Variants in CACHD1 observed in about 807,000 individuals in gnomAD.
The protein encoded by CACHD1 is VWFA and cache domain-containing protein 1.
CACHD1 carries 71 observed loss-of-function variants against 138.7 expected under a neutral mutation model. That is an observed-to-expected ratio of 0.51 (90% confidence interval 0.42 to 0.62). CACHD1 has a LOEUF of 0.62. CACHD1 is among the 20% of genes least tolerant of loss of function. The pLI is 0.00. For synonymous variants in CACHD1, 578 were observed against 591.5 expected, an observed-to-expected ratio of 0.98 and a Z score of 0.33; for missense variants, 1,389 against 1,625.3, an observed-to-expected ratio of 0.85 and a Z score of 2.50.
intron 4 of CACHD1, among the ~76,000 whole-genome samples, chr1:64,604,044 T>C (rs916341222): frequency 3.9e-5 from 6 of 152,218 alleles, no homozygotes; most frequent in African/African-American, 9.6e-5. Context: ...CCAGGTCTCA[T>C]GTAGACACAT....
At chr1:64,556,129 G>A (rs1222768209) in intron 2 of CACHD1, among the ~76,000 whole-genome samples, 1 of 152,144 alleles carries the variant, frequency 6.6e-6, no homozygotes, top group African/African-American at 2.4e-5. Context: ...AAAAGGTCAA[G>A]GTCTCCAGAT....
chr1:64,649,993 G>C (rs955245734), intron 9 of CACHD1, among the ~76,000 whole-genome samples: 1 of 152,146 alleles, frequency 6.6e-6, no homozygotes, highest in Non-Finnish European at 1.5e-5. Context: ...CCATGTTTAT[G>C]TGGCTCTAAT....
chr1:64,533,166 G>T (rs544654702), intron 1 of CACHD1, among the ~76,000 whole-genome samples: 77 of 152,284 alleles, frequency 5.1e-4, no homozygotes, highest in Admixed American at 3.9e-3. Context: ...GACCAACCTG[G>T]TCAACATGGT....
In CACHD1 at chr1:64,666,870, A is replaced by AG. The variant is rs1354470123; in HGVS notation, c.2387+703_2387+704insG. 2.2e-4 allele frequency among the ~76,000 whole-genome samples: 23 copies of AG among 106,838 alleles called. 2 individuals carry two copies. The highest frequency in any genetic ancestry group is 1.1e-3 in the African/African-American group (21 of 18,430). 70.1% of individuals were successfully genotyped at this position (106,838 alleles called of 152,430 possible). On this transcript the variant is annotated intron_variant, in intron 16 of 26. Coordinates refer to ENST00000651257, the MANE Select transcript of CACHD1 (RefSeq NM_020925.4). ...TCTCAAAAAAAAAAAAAAAAAAAAAAAACGAGAAAGAAAAAGTACCAAGAT... is the reference window on the plus strand; with the variant it reads ...TCTCAAAAAAAAAAAAAAAAAAAAAAGAACGAGAAAGAAAAAGTACCAAGAT...
chr1:64,588,950 A>ACC (rs1647075230), intron 3 of CACHD1, among the ~76,000 whole-genome samples: 1 of 152,186 alleles, frequency 6.6e-6, no homozygotes, highest in Non-Finnish European at 1.5e-5. Flanking sequence ...CATGGTTAGA[A>ACC]CTGGCATTAA....
At chr1:64,546,687 A>G (rs760953380) in intron 1 of CACHD1, among the ~76,000 whole-genome samples, 4 of 152,072 alleles carry the variant, frequency 2.6e-5, no homozygotes, top group Non-Finnish European at 5.9e-5. Context: ...CCATTTTCCA[A>G]GTCCTCTATT....
At chr1:64,493,107 T>A (rs144760629) in intron 1 of CACHD1, among the ~76,000 whole-genome samples, 1 of 152,354 alleles carries the variant, frequency 6.6e-6, no homozygotes, top group East Asian at 1.9e-4. Context: ...TGTTGTCACA[T>A]CAAACGAAAT....
Position 64,484,521 on chromosome 1 carries a change from T to C in CACHD1, c.198+13579T>C, listed in dbSNP as rs569180440. Among the ~76,000 whole-genome samples the C allele has an allele frequency of 5.9e-5, 9 of 152,342 alleles. 1 individual carries two copies. The highest frequency in any genetic ancestry group is 2.2e-4 in the African/African-American group (9 of 41,592). ...TAGCTCTTTTAGGCGTGGCCAAAAG[T>C]GTACAGTTCTGTGGCATTAAATACT... is the stretch of plus-strand genomic sequence containing the variant. On this transcript the variant is annotated intron_variant, in intron 1 of 26. Transcript: ENST00000651257.
intron 11 of CACHD1, among the ~76,000 whole-genome samples, chr1:64,654,195 G>A (rs1649192561): frequency 6.6e-6 from 1 of 152,126 alleles, no homozygotes. Context: ...ATACCAAATT[G>A]AAAAATGTTG....
chr1:64,531,609 A>C, intron 1 of CACHD1, among the ~76,000 whole-genome samples: 1 of 152,138 alleles, frequency 6.6e-6, no homozygotes, highest in East Asian at 1.9e-4. Flanking sequence ...CTGGGAAAGT[A>C]AACAAGGTCA....
intron 2 of CACHD1, among the ~76,000 whole-genome samples, chr1:64,551,367 G>A (rs924728994): frequency 2.0e-4 from 31 of 151,996 alleles, no homozygotes; most frequent in African/African-American, 6.8e-4. Flanking sequence ...GAACCTGGTC[G>A]TAAATAATTG....
chr1:64,647,839 G>C lies in CACHD1; in HGVS notation c.1195G>C (p.Asp399His). ...TTTGAAAGAGCTGGCTTTTCTGAGG[G>C]ATCTAGCTGAACAGAATTCAGGGAA... ...TGLKELAFLR[D>H]LAEQNSGKYG... is the part of the protein sequence containing the mutation. The change falls in exon 9 of 27, where the codon GAT becomes CAT. Residue 399 changes from aspartate to histidine, a missense_variant. Coordinates refer to ENST00000651257, the MANE Select transcript of CACHD1 (RefSeq NM_020925.4). 6.2e-7 allele frequency: 1 copy of C among 1,614,156 alleles called. No homozygotes were observed. The highest frequency in any genetic ancestry group is 8.5e-7 in the Non-Finnish European group (1 of 1,180,030).
intron 11 of CACHD1, among the ~76,000 whole-genome samples, 196 bp from the exon 12 acceptor site, chr1:64,654,490 G>A (rs570664284): frequency 6.6e-6 from 1 of 152,248 alleles, no homozygotes; most frequent in East Asian, 1.9e-4. Context: ...TGGAGAGTAA[G>A]GGATGTTTTT....
At chr1:64,657,530 C>T (rs1649306139) in intron 12 of CACHD1, among the ~76,000 whole-genome samples, 1 of 152,040 alleles carries the variant, frequency 6.6e-6, no homozygotes, top group Admixed American at 6.5e-5. Flanking sequence ...TAGTAAATGC[C>T]ACTTCAGAGC....
intron 3 of CACHD1, among the ~76,000 whole-genome samples, chr1:64,598,298 G>A (rs919208425): frequency 6.6e-6 from 1 of 152,192 alleles, no homozygotes; most frequent in Non-Finnish European, 1.5e-5. Flanking sequence ...AAGCAGCAGA[G>A]TGAGGTTGAT....
intron 4 of CACHD1, among the ~76,000 whole-genome samples, chr1:64,626,001 C>T (rs1481833740): frequency 6.6e-6 from 1 of 152,200 alleles, no homozygotes; most frequent in African/African-American, 2.4e-5. Context: ...TCAGTCCCCA[C>T]ATAGGCATAA....
intron 1 of CACHD1, among the ~76,000 whole-genome samples, chr1:64,519,084 A>G (rs1412163647): frequency 4.6e-5 from 7 of 152,168 alleles, no homozygotes; most frequent in African/African-American, 9.7e-5. Flanking sequence ...TGAAAGCTTT[A>G]CAATTGAGGG....
chr1:64,537,241 C>CA (rs963922004), intron 1 of CACHD1, among the ~76,000 whole-genome samples: 3 of 146,126 alleles, frequency 2.1e-5, no homozygotes, highest in Non-Finnish European at 4.5e-5. Context: ...TCCCCTCACC[C>CA]AGTACTTATG....
intron 8 of CACHD1, among the ~76,000 whole-genome samples, chr1:64,643,569 G>A (rs1648798321): frequency 6.6e-6 from 1 of 152,214 alleles, no homozygotes; most frequent in African/African-American, 2.4e-5. Flanking sequence ...GAGCTCGGTG[G>A]CTCATGCCTG....
Sources: allele counts gnomAD v4.1 joint callset (sites outside exome capture counted in the v4.1 genomes callset), GRCh38; gene constraint gnomAD v4.1.1; transcripts MANE v1.5; gene names NCBI Gene and HGNC (gene_info 2026-07-23, HGNC 2026-07-21).